PTPRD: variants seen among roughly 807,000 people sequenced by gnomAD.
PTPRD encodes receptor-type tyrosine-protein phosphatase delta.
Under a neutral mutation model 214.5 loss-of-function variants are expected in PTPRD, and 34 were observed. The ratio of observed to expected loss-of-function variants is 0.16; its 90% CI spans 0.12 to 0.21. The LOEUF is 0.21. PTPRD is among the 10% of genes least tolerant of loss of function. The pLI, the probability that PTPRD is intolerant of heterozygous loss-of-function variation, is 1.00. For synonymous variants in PTPRD, 1,128 were observed against 845.7 expected, an observed-to-expected ratio of 1.33 and a Z score of -5.79; for missense variants, 2,545 against 2,398.7, an observed-to-expected ratio of 1.06 and a Z score of -1.27.
At chr9:9,389,403 G>A (rs992157323) in intron 9 of PTPRD, among the ~76,000 whole-genome samples, 7 of 152,016 alleles carry the variant, frequency 4.6e-5, no homozygotes, top group Non-Finnish European at 8.8e-5. Flanking sequence ...CCAGCTACTC[G>A]GGAGGCTGAG....
rs1564391190 is a variant in PTPRD, at chr9:8,376,634, A to G, written c.4479T>C (p.Tyr1493=). 2.5e-6 allele frequency: 4 copies of G among 1,612,872 alleles called. No individual in the cohort carries two copies. Among genetic ancestry groups the G allele is most frequent in the Non-Finnish European group, 2.5e-6 (3 of 1,179,296 alleles). The change falls in exon 38 of 46, where the codon TAT becomes TAC. Residue 1493 remains tyrosine (Y), a synonymous_variant. Transcript: ENST00000381196. ...TGTAAAGTGCAAATGTTCGAACACA[A>G]TATGTGGCCAGCTCCACAGTATCAA... ...TLLDTVELAT[Y]CVRTFALYKN... is the part of the protein sequence containing the mutation.
intron 5 of PTPRD, among the ~76,000 whole-genome samples, chr9:9,857,388 CT>C (rs913014447): frequency 1.3e-5 from 2 of 152,086 alleles, no homozygotes; most frequent in African/African-American, 4.8e-5. Context: ...GAATGGAGCC[CT>C]GAGTAAGTTA....
chr9:8,744,990 C>A (rs1298348213), intron 11 of PTPRD, among the ~76,000 whole-genome samples: 1 of 152,040 alleles, frequency 6.6e-6, no homozygotes, highest in Non-Finnish European at 1.5e-5. Flanking sequence ...CAAATATTAA[C>A]CATATATATA....
intron 5 of PTPRD, among the ~76,000 whole-genome samples, chr9:9,826,243 T>C (rs1399064236): frequency 1.3e-5 from 2 of 151,864 alleles, no homozygotes; most frequent in African/African-American, 4.8e-5. Flanking sequence ...ATTTGTTTGC[T>C]CTTATCTTCT....
chr9:9,630,224 T>A (rs2154358937), intron 7 of PTPRD, among the ~76,000 whole-genome samples: 1 of 152,316 alleles, frequency 6.6e-6, no homozygotes, highest in East Asian at 1.9e-4. Flanking sequence ...TTAATGGGGA[T>A]AGGTTGGAGG....
intron 11 of PTPRD, among the ~76,000 whole-genome samples, chr9:8,934,113 C>A (rs1356791256): frequency 1.3e-5 from 2 of 151,462 alleles, no homozygotes; most frequent in Non-Finnish European, 1.5e-5. Flanking sequence ...GTGCAAATGG[C>A]TAATGCTGAA....
chr9:10,462,109 T>C lies in PTPRD; in HGVS notation c.-599-121092A>G, dbSNP rs897415292. Among the ~76,000 whole-genome samples the C allele has an allele frequency of 1.6e-3, 245 of 152,218 alleles. 2 individuals carry two copies. The highest frequency in any genetic ancestry group is 2.4e-3 in the African/African-American group (98 of 41,536). ...AATGTAAACTATGAGGAATGATAGTTAGCGTATTATATACAGGAGTTTTGG... is the reference window on the plus strand; with the variant it reads ...AATGTAAACTATGAGGAATGATAGTCAGCGTATTATATACAGGAGTTTTGG... On this transcript the variant is annotated intron_variant, in intron 2 of 45. Coordinates refer to ENST00000381196, the MANE Select transcript of PTPRD (RefSeq NM_002839.4).
chr9:8,947,367 G>A (rs1420537494), intron 11 of PTPRD, among the ~76,000 whole-genome samples: 1 of 151,004 alleles, frequency 6.6e-6, no homozygotes, highest in Non-Finnish European at 1.5e-5. Flanking sequence ...GGAGACTGAG[G>A]CAGGAGAATC....
chr9:8,920,033 T>C (rs1287978397), intron 11 of PTPRD, among the ~76,000 whole-genome samples: 1 of 152,076 alleles, frequency 6.6e-6, no homozygotes, highest in Non-Finnish European at 1.5e-5. Flanking sequence ...CATATATATG[T>C]GTATACATAT....
chr9:9,306,996 G>T (rs1411707315), intron 9 of PTPRD, among the ~76,000 whole-genome samples: 1 of 152,166 alleles, frequency 6.6e-6, no homozygotes, highest in African/African-American at 2.4e-5. Flanking sequence ...AACAAAAAGT[G>T]CTGGTGAAGT....
intron 11 of PTPRD, among the ~76,000 whole-genome samples, chr9:8,864,801 T>C (rs2098166961): frequency 6.6e-6 from 1 of 152,196 alleles, no homozygotes; most frequent in Admixed American, 6.5e-5. Context: ...GGTGTTTCCT[T>C]GTGCATTCAG....
At chr9:8,815,350 C>A (rs2096899435) in intron 11 of PTPRD, among the ~76,000 whole-genome samples, 1 of 152,014 alleles carries the variant, frequency 6.6e-6, no homozygotes, top group African/African-American at 2.4e-5. Flanking sequence ...CCACAAAATC[C>A]AAAATACACA....
Position 10,060,776 on chromosome 9 carries a change from T to TTTTCTTTCTTTCTTTCTTTCTTTCTTTC in PTPRD, c.-544-26987_-544-26986insGAAAGAAAGAAAGAAAGAAAGAAAGAAA, listed in dbSNP as rs759874831. Reference sequence around the variant, plus strand: ...TCAGCATACCAATCACAGGTCTTGCTTTTCTTTCTTTCTTTCTTTCTTTCT... The same window carrying TTTTCTTTCTTTCTTTCTTTCTTTCTTTC: ...TCAGCATACCAATCACAGGTCTTGCTTTTCTTTCTTTCTTTCTTTCTTTCTTTCTTTCTTTCTTTCTTTCTTTCTTTCT... On this transcript the variant is annotated intron_variant, in intron 3 of 45. Transcript: ENST00000381196. Among the ~76,000 whole-genome samples, 63 of 132,174 alleles carry TTTTCTTTCTTTCTTTCTTTCTTTCTTTC rather than the reference T, an allele frequency of 4.8e-4. 5 individuals carry two copies. Among genetic ancestry groups the TTTTCTTTCTTTCTTTCTTTCTTTCTTTC allele is most frequent in the African/African-American group, 2.3e-3 (57 of 24,792 alleles). The allele number at this position is 132,174 out of a possible 152,430, so 86.7% of individuals were successfully genotyped here.
chr9:8,439,935 A>ATTTTTTTTTT lies in PTPRD; in HGVS notation c.3989-3256_3989-3247dup, dbSNP rs1166530719. Reference sequence around the variant, plus strand: ...CATTTAAATTACTTGATGTGCTTTAATTTTTTTTTTTTTTTTTTTTTTTTT... The same window carrying ATTTTTTTTTT: ...CATTTAAATTACTTGATGTGCTTTAATTTTTTTTTTTTTTTTTTTTTTTTTTTTTTTTTTT... On this transcript the variant is annotated intron_variant, in intron 34 of 45. Transcript: ENST00000381196. Among the ~76,000 whole-genome samples, 282 of 73,288 alleles carry ATTTTTTTTTT rather than the reference A, an allele frequency of 3.8e-3. 24 individuals carry two copies. Among genetic ancestry groups the ATTTTTTTTTT allele is most frequent in the East Asian group, 9.3e-3 (19 of 2,034 alleles). 48.1% of individuals were successfully genotyped at this position (73,288 alleles called of 152,430 possible).
At chr9:9,967,715 G>T (rs1263430751) in intron 4 of PTPRD, among the ~76,000 whole-genome samples, 1 of 152,124 alleles carries the variant, frequency 6.6e-6, no homozygotes, top group African/African-American at 2.4e-5. Flanking sequence ...GTTTTGGTTT[G>T]CAATGTGCTT....
At chr9:10,218,556 A>T (rs2099551960) in intron 3 of PTPRD, among the ~76,000 whole-genome samples, 1 of 151,900 alleles carries the variant, frequency 6.6e-6, no homozygotes, top group Non-Finnish European at 1.5e-5. Flanking sequence ...AAAGTCACCT[A>T]CTTACCTTTA....
chr9:9,965,948 T>A (rs896836531), intron 4 of PTPRD, among the ~76,000 whole-genome samples: 1 of 152,240 alleles, frequency 6.6e-6, no homozygotes, highest in Non-Finnish European at 1.5e-5. Flanking sequence ...ATTGCATGTA[T>A]GCATGCTCTC....
At position 10,269,025 on chromosome 9, in the gene PTPRD, C is replaced by T. The variant is rs80234374; in HGVS notation, c.-545+71938G>A. On this transcript the variant is annotated intron_variant, in intron 3 of 45. Transcript: ENST00000381196. ...TATCTCCAGCCACTGCCAAATATCC[C>T]CTGGGACAAAATCTCTAGCTGAGAA... 9.2e-3 allele frequency among the ~76,000 whole-genome samples: 1,404 copies of T among 152,178 alleles called. 13 individuals carry two copies. Among genetic ancestry groups the T allele is most frequent in the Non-Finnish European group, 0.014 (943 of 68,008 alleles).
Position 9,346,235 on chromosome 9 carries a change from AG to A in PTPRD, c.-203+51213del, listed in dbSNP as rs1249305225. ...AGGTGTTTACAATGACATTTATCAT[AG>A]AAAAAAGATTCTTCCAGATATTTGA... On this transcript the variant is annotated intron_variant, in intron 9 of 45. Coordinates refer to ENST00000381196, the MANE Select transcript of PTPRD (RefSeq NM_002839.4). Among the ~76,000 whole-genome samples the A allele has an allele frequency of 3.9e-5, 6 of 152,214 alleles. No homozygotes were observed. In the East Asian group the frequency reaches 9.6e-4, roughly 24 times the overall value.
Sources: allele counts gnomAD v4.1 joint callset (sites outside exome capture counted in the v4.1 genomes callset), GRCh38; gene constraint gnomAD v4.1.1; transcripts MANE v1.5; gene names NCBI Gene and HGNC (gene_info 2026-07-23, HGNC 2026-07-21).